Variants in FGF12 observed in about 807,000 individuals in gnomAD.
FGF12 encodes fibroblast growth factor 12B.
Under a neutral mutation model 23.6 loss-of-function variants are expected in FGF12, and 14 were observed. That is an observed-to-expected ratio of 0.59 (90% CI 0.39 to 0.93). The LOEUF (loss-of-function observed/expected upper bound fraction) is 0.93, where lower values mean the gene tolerates loss of function less well. Among genes scored for constraint, FGF12 ranks in the 40% least tolerant of loss-of-function variants. The pLI is 0.00. For missense variants in FGF12, 175 were observed against 217.8 expected (o/e 0.80, Z 1.24); for synonymous variants, 62 against 77.3 (o/e 0.80, Z 1.04).
chr3:192,583,485 T>G (rs1713247651), intron 2 of FGF12, among the ~76,000 whole-genome samples: 1 of 152,200 alleles, frequency 6.6e-6, no homozygotes, highest in African/African-American at 2.4e-5. Flanking sequence ...CCTTCTGAAT[T>G]GACAAGAACA....
intron 2 of FGF12, among the ~76,000 whole-genome samples, chr3:192,647,134 C>T (rs1281274661): frequency 6.6e-6 from 1 of 151,984 alleles, no homozygotes; most frequent in African/African-American, 2.4e-5. Flanking sequence ...TTCAGTAATC[C>T]ATCACAAATA....
chr3:192,577,451 G>A (rs780816386), intron 2 of FGF12, among the ~76,000 whole-genome samples: 15 of 152,146 alleles, frequency 9.9e-5, no homozygotes, highest in Admixed American at 4.6e-4. Flanking sequence ...CACTCACAAA[G>A]GGTATATGTA....
chr3:192,607,827 C>T (rs11920465), intron 2 of FGF12, among the ~76,000 whole-genome samples: 2,336 of 137,792 alleles, frequency 0.017, 57 homozygotes, highest in African/African-American at 0.06. Flanking sequence ...AGTTAACATA[C>T]CCAGAGAACA....
At chr3:192,235,551 T>C (rs1719250172) in intron 4 of FGF12, among the ~76,000 whole-genome samples, 1 of 152,120 alleles carries the variant, frequency 6.6e-6, no homozygotes, top group South Asian at 2.1e-4. Context: ...CTCGATCTCT[T>C]GACCTTGTGA....
chr3:192,624,087 T>G (rs1182264918), intron 2 of FGF12, among the ~76,000 whole-genome samples: 3 of 152,144 alleles, frequency 2.0e-5, no homozygotes, highest in Non-Finnish European at 4.4e-5. Context: ...TTTTTCCATA[T>G]TTTCTTTAGA....
At chr3:192,487,094 T>G (rs1426737231) in intron 2 of FGF12, among the ~76,000 whole-genome samples, 1 of 152,096 alleles carries the variant, frequency 6.6e-6, no homozygotes, top group Admixed American at 6.6e-5. Context: ...AGTAGCTGGT[T>G]AATTTCCCCA....
chr3:192,239,872 G>T (rs1183606733), intron 4 of FGF12, among the ~76,000 whole-genome samples: 4 of 152,220 alleles, frequency 2.6e-5, no homozygotes, highest in Admixed American at 2.0e-4. Flanking sequence ...GGTAACCCAA[G>T]TCACAACTAA....
chr3:192,656,040 C>CAAAA (rs11292484), intron 2 of FGF12, among the ~76,000 whole-genome samples: 1 of 106,568 alleles, frequency 9.4e-6, no homozygotes, highest in South Asian at 3.1e-4. Context: ...GAGGTTCAGG[C>CAAAA]AAAAAAAAAA....
Position 192,213,168 on chromosome 3 carries a change from G to T in FGF12, c.229-42512C>A, listed in dbSNP as rs560899846. ...GTGCTGTCACTCTTCCTTCCCCCTTGTAAGCACAATTGTCCCAGCAAGCGA... is the reference window on the plus strand; with the variant it reads ...GTGCTGTCACTCTTCCTTCCCCCTTTTAAGCACAATTGTCCCAGCAAGCGA... On this transcript the variant is annotated intron_variant, in intron 4 of 5. Transcript: ENST00000445105. Among the ~76,000 whole-genome samples, 8 of 152,348 alleles carry T rather than the reference G, an allele frequency of 5.3e-5. No individual in the cohort carries two copies. The South Asian group carries it at 8.3e-4, about 16-fold the overall frequency.
intron 2 of FGF12, among the ~76,000 whole-genome samples, chr3:192,434,952 T>C (rs1052631740): frequency 7.2e-5 from 11 of 152,252 alleles, no homozygotes; most frequent in Admixed American, 1.3e-4. Context: ...AGTGGTGCTG[T>C]CTTAGCCATT....
At chr3:192,157,472 A>G (rs1281532965) in intron 5 of FGF12, among the ~76,000 whole-genome samples, 1 of 152,152 alleles carries the variant, frequency 6.6e-6, no homozygotes, top group Non-Finnish European at 1.5e-5. Flanking sequence ...AAAACAATCC[A>G]TTTTCTCTTT....
intron 2 of FGF12, among the ~76,000 whole-genome samples, chr3:192,367,652 T>TA (rs1719041974): frequency 6.6e-6 from 1 of 152,174 alleles, no homozygotes; most frequent in Non-Finnish European, 1.5e-5. Context: ...GGGGATTCAG[T>TA]AAAAATATAT....
intron 4 of FGF12, among the ~76,000 whole-genome samples, chr3:192,297,497 T>C (rs1284201763): frequency 6.6e-6 from 1 of 152,224 alleles, no homozygotes; most frequent in East Asian, 1.9e-4. Flanking sequence ...CACTGTTCTA[T>C]AGCAGGAGTT....
chr3:192,197,762 T>A (rs1040164595), intron 4 of FGF12, among the ~76,000 whole-genome samples: 3 of 151,908 alleles, frequency 2.0e-5, no homozygotes, highest in Non-Finnish European at 4.4e-5. Flanking sequence ...CTGACCAACA[T>A]GAAGAAACCC....
chr3:192,203,367 T>C (rs1560190819), intron 4 of FGF12, among the ~76,000 whole-genome samples: 1 of 152,112 alleles, frequency 6.6e-6, no homozygotes, highest in East Asian at 1.9e-4. Context: ...ACTTGGGAGG[T>C]AAAACTTTAT....
intron 2 of FGF12, among the ~76,000 whole-genome samples, chr3:192,616,176 G>A (rs1004513596): frequency 2.6e-5 from 4 of 151,880 alleles, no homozygotes; most frequent in African/African-American, 9.7e-5. Flanking sequence ...TGTATTTATT[G>A]GAATCATTGG....
chr3:192,317,602 A>G lies in FGF12; in HGVS notation c.228+17759T>C, dbSNP rs145149723. Among the ~76,000 whole-genome samples the G allele has an allele frequency of 2.0e-3, 299 of 150,686 alleles. 1 individual carries two copies. The highest frequency in any genetic ancestry group is 6.8e-3 in the African/African-American group (279 of 40,936). ...ACCAGCAAGATTCATAAGGTTCTCAACTCCAGGCCCTGGCTCCCAGATGGT... is the reference window on the plus strand; with the variant it reads ...ACCAGCAAGATTCATAAGGTTCTCAGCTCCAGGCCCTGGCTCCCAGATGGT... On this transcript the variant is annotated intron_variant, in intron 4 of 5. Transcript: ENST00000445105.
chr3:192,417,926 T>C (rs891113911), intron 2 of FGF12, among the ~76,000 whole-genome samples: 3 of 152,080 alleles, frequency 2.0e-5, no homozygotes, highest in Admixed American at 2.0e-4. Flanking sequence ...CCTTGTTCTT[T>C]TGTGCCTGGA....
intron 2 of FGF12, among the ~76,000 whole-genome samples, chr3:192,383,287 ATAT>A (rs1432486262): frequency 1.3e-5 from 2 of 152,088 alleles, no homozygotes; most frequent in Non-Finnish European, 2.9e-5. Context: ...CCTCTGTGAG[ATAT>A]TATGGAGCCA....
Sources: allele counts gnomAD v4.1 joint callset (sites outside exome capture counted in the v4.1 genomes callset), GRCh38; gene constraint gnomAD v4.1.1; transcripts MANE v1.5; gene names NCBI Gene and HGNC (gene_info 2026-07-23, HGNC 2026-07-21).